Variants in STKLD1 observed in about 807,000 individuals in gnomAD.
The protein encoded by STKLD1 is serine/threonine kinase-like domain-containing protein STKLD1.
A neutral mutation model predicts 80.4 loss-of-function variants in STKLD1; 79 were observed. The ratio of observed to expected loss-of-function variants is 0.98; its 90% CI spans 0.82 to 1.19. STKLD1 has a LOEUF of 1.19. STKLD1 is among the 50% of genes most tolerant of loss of function. STKLD1 has a pLI of 0.00. For synonymous variants in STKLD1, 393 were observed against 357.6 expected (o/e 1.10, Z -1.12); for missense variants, 841 against 856.0 (o/e 0.98, Z 0.22).
At position 133,394,737 on chromosome 9, in the gene STKLD1, C is replaced by T. The variant is rs1554776473; in HGVS notation, c.702+328C>T. ...GGTGCCCTTGTGAGCATGAAGGCTG[C>T]ACGGAGTTGCAAGCAACGGGAACCC... is the stretch of plus-strand genomic sequence containing the variant. On this transcript the variant is annotated intron_variant, in intron 8 of 17. Transcript: ENST00000371957. The surrounding 1 kb of genome is among the most constrained non-coding windows in gnomAD (Gnocchi z 4.9). The T allele has an allele frequency of 6.2e-6, 2 of 324,536 alleles. No individual in the cohort carries two copies. The highest frequency in any genetic ancestry group is 1.2e-5 in the Non-Finnish European group (2 of 171,416). The allele number at this position is 324,536 out of a possible 1,614,324, so 20.1% of individuals were successfully genotyped here.
At position 133,384,335 on chromosome 9, in the gene STKLD1, G is replaced by A. The variant is rs2130272511; in HGVS notation, c.219+435G>A. 1.9e-4 allele frequency: 32 copies of A among 167,958 alleles called. No individual in the cohort carries two copies. The highest frequency in any genetic ancestry group is 3.9e-4 in the Non-Finnish European group (30 of 76,574). 10.4% of individuals were successfully genotyped at this position (167,958 alleles called of 1,614,324 possible). A position where few individuals can be genotyped will look rare whatever the true frequency, so the allele number is the denominator to read the frequency against. ...GGGCACCTGTAATCCCAGCTACTTC[G>A]AGAGGTTGAGGCGGGAGAATCACTT... On this transcript the variant is annotated intron_variant, in intron 3 of 17. Transcript: ENST00000371957. This position sits in a 1 kb window ranked among gnomAD's most constrained non-coding sequence, Gnocchi z 4.3.
intron 12 of STKLD1, 24 bp from the exon 13 acceptor site, chr9:133,401,714 G>A: frequency 6.2e-7 from 1 of 1,605,180 alleles, no homozygotes; most frequent in Non-Finnish European, 8.5e-7. Flanking sequence ...GCTAACCCCA[G>A]GCGTCTTCCT....
At chr9:133,401,681 T>C in intron 12 of STKLD1, 57 bp from the exon 13 acceptor site, 1 of 1,565,800 alleles carries the variant, frequency 6.4e-7, no homozygotes, top group African/African-American at 1.4e-5. Flanking sequence ...CTTGTGTGTC[T>C]GGCCCCATGC....
intron 2 of STKLD1, among the ~76,000 whole-genome samples, chr9:133,383,033 GGTGATGATGGGGATAATA>G (rs1838178429): frequency 6.6e-6 from 1 of 151,152 alleles, no homozygotes; most frequent in African/African-American, 2.4e-5. Flanking sequence ...TGATGAGGTT[GGTGATGATGGGGATAATA>G]GTGGTGATGG....
Position 133,390,191 on chromosome 9 carries a change from TAAAACACACAC to T in STKLD1, c.468-488_468-478del, listed in dbSNP as rs1168086082. Among the ~76,000 whole-genome samples the T allele has an allele frequency of 5.7e-5, 7 of 122,058 alleles. No individual in the cohort carries two copies. The highest frequency in any genetic ancestry group is 2.3e-4 in the African/African-American group (7 of 31,106). 80.1% of individuals were successfully genotyped at this position (122,058 alleles called of 152,430 possible). A position where few individuals can be genotyped will look rare whatever the true frequency, so the allele number is the denominator to read the frequency against. ...CACTTCAGCCTGGGCAACCCTGACT[TAAAACACACAC>T]ACACACACACACACACACACACACA... On this transcript the variant is annotated intron_variant, in intron 6 of 17. Transcript: ENST00000371957. This position sits in a 1 kb window ranked among gnomAD's most constrained non-coding sequence, Gnocchi z 5.1.
At chr9:133,399,987 CCA>C (rs2130683734) in intron 11 of STKLD1, among the ~76,000 whole-genome samples, 1 of 152,284 alleles carries the variant, frequency 6.6e-6, no homozygotes, top group East Asian at 1.9e-4. Flanking sequence ...GGCTGCCTGG[CCA>C]CTGCCCCTCA....
intron 5 of STKLD1, among the ~76,000 whole-genome samples, chr9:133,388,265 T>C (rs1055226076): frequency 1.3e-5 from 2 of 152,126 alleles, no homozygotes; most frequent in Non-Finnish European, 2.9e-5. Context: ...GTTGTTGTTG[T>C]TGAGATGGAG....
intron 5 of STKLD1, among the ~76,000 whole-genome samples, chr9:133,388,280 A>G (rs1485386653): frequency 2.0e-5 from 3 of 151,856 alleles, no homozygotes; most frequent in Non-Finnish European, 4.4e-5. Flanking sequence ...ATGGAGTCTC[A>G]CTCTGTCGCC....
intron 16 of STKLD1, among the ~76,000 whole-genome samples, chr9:133,404,481 C>T (rs1165065343): frequency 6.6e-6 from 1 of 152,210 alleles, no homozygotes; most frequent in East Asian, 1.9e-4. Flanking sequence ...CATCCTGGGC[C>T]TGGCCAAGAC....
At chr9:133,403,070 C>T in intron 14 of STKLD1, 58 bp downstream of exon 14, 1 of 1,505,716 alleles carries the variant, frequency 6.6e-7, no homozygotes, top group South Asian at 1.3e-5. Flanking sequence ...CCAGCCCCTC[C>T]CTAACTGCCC....
In STKLD1 at chr9:133,390,245, ACACAC is replaced by A. The variant is rs1430882093; in HGVS notation, c.468-435_468-431del. Among the ~76,000 whole-genome samples the A allele has an allele frequency of 7.1e-3, 696 of 98,160 alleles. 14 individuals carry two copies. Among genetic ancestry groups the A allele is most frequent in the African/African-American group, 0.028 (652 of 23,192 alleles). The allele number at this position is 98,160 out of a possible 152,430, so 64.4% of individuals were successfully genotyped here. A position where few individuals can be genotyped will look rare whatever the true frequency, so the allele number is the denominator to read the frequency against. On this transcript the variant is annotated intron_variant, in intron 6 of 17. Transcript: ENST00000371957. This position sits in a 1 kb window ranked among gnomAD's most constrained non-coding sequence, Gnocchi z 5.1. ...CACACACACACACACACACACACAC[ACACAC>A]ACCACGCAGACCATACGTACAAAGG...
At chr9:133,403,667 G>T in intron 14 of STKLD1, 33 bp from the exon 15 acceptor site, 1 of 1,603,790 alleles carries the variant, frequency 6.2e-7, no homozygotes, top group Admixed American at 1.7e-5. Context: ...CCCAAGGCCT[G>T]GGTGTCCCCT....
rs1433124375 is a variant in STKLD1 at position 133,385,821 on chromosome 9, C to T, written c.294+130C>T. The stretch of plus-strand genomic sequence containing the variant: ...GTGTGGCAATGGCAGTGACTGTAAA[C>T]GTGGCCACCCCTGACCTAACACTCA... On this transcript the variant is annotated intron_variant, in intron 4 of 17. Transcript: ENST00000371957. This position sits in a 1 kb window ranked among gnomAD's most constrained non-coding sequence, Gnocchi z 4.9. The T allele has an allele frequency of 1.9e-5, 15 of 809,134 alleles. No homozygotes were observed. Among genetic ancestry groups the T allele is most frequent in the South Asian group, 4.8e-5 (3 of 61,938 alleles). The allele number at this position is 809,134 out of a possible 1,614,324, so 50.1% of individuals were successfully genotyped here. A position where few individuals can be genotyped will look rare whatever the true frequency, so the allele number is the denominator to read the frequency against.
In STKLD1 at chr9:133,389,205, A is replaced by C; in HGVS notation, c.397-321A>C. ...ATACCCGCAAGGCCGATCTGCCTTCAGCTCCCAGCAAGTGTGGGGCAGCGC... is the reference window on the plus strand; with the variant it reads ...ATACCCGCAAGGCCGATCTGCCTTCCGCTCCCAGCAAGTGTGGGGCAGCGC... On this transcript the variant is annotated intron_variant, in intron 5 of 17. Coordinates refer to ENST00000371957, the MANE Select transcript of STKLD1 (RefSeq NM_153710.5). This position sits in a 1 kb window ranked among gnomAD's most constrained non-coding sequence, Gnocchi z 6.4. The C allele has an allele frequency of 1.0e-6, 1 of 985,388 alleles. No individual in the cohort carries two copies. The highest frequency in any genetic ancestry group is 1.2e-6 in the Non-Finnish European group (1 of 829,920). 61.0% of individuals were successfully genotyped at this position (985,388 alleles called of 1,614,324 possible).
chr9:133,400,565 G>T, intron 12 of STKLD1, 36 bp downstream of exon 12: 1 of 1,522,526 alleles, frequency 6.6e-7, no homozygotes. Context: ...GGTCGGGGAG[G>T]CTGTGCGCTG....
rs2130249028 is a variant in STKLD1 at position 133,376,534 on chromosome 9, C to A, written c.61C>A (p.Pro21Thr). 1 of 1,600,384 alleles carries A rather than the reference C, an allele frequency of 6.2e-7. No homozygotes were observed. Among genetic ancestry groups the A allele is most frequent in the Non-Finnish European group, 8.5e-7 (1 of 1,175,228 alleles). ...GCAGGGGGAGCGAGGCCCAGGGTCCCCCGGAGAGCCCATGGAGAAGTACCA... is the reference window on the plus strand; with the variant it reads ...GCAGGGGGAGCGAGGCCCAGGGTCCACCGGAGAGCCCATGGAGAAGTACCA... ...PTQGERGPGS[P>T]GEPMEKYQVL... Residue 21 changes from proline (P) to threonine (T), a missense_variant, in exon 1 of 18, where the codon CCC becomes ACC. Transcript: ENST00000371957.
In STKLD1 at chr9:133,390,581, G is replaced by A. The variant is rs1329991182; in HGVS notation, c.468-100G>A. 2.4e-6 allele frequency: 2 copies of A among 820,690 alleles called. No individual in the cohort carries two copies. Among genetic ancestry groups the A allele is most frequent in the Non-Finnish European group, 4.1e-6 (2 of 482,668 alleles). The allele number at this position is 820,690 out of a possible 1,614,324, so 50.8% of individuals were successfully genotyped here. ...AACCAGGTGGGGCAGGGAGCAGAGAGTCAGGCTCAGCACACACACTGGTCC... is the reference window on the plus strand; with the variant it reads ...AACCAGGTGGGGCAGGGAGCAGAGAATCAGGCTCAGCACACACACTGGTCC... On this transcript the variant is annotated intron_variant, in intron 6 of 17. Transcript: ENST00000371957. The surrounding 1 kb of genome is among the most constrained non-coding windows in gnomAD (Gnocchi z 5.1).
At chr9:133,378,804 G>A (rs1044755810) in intron 1 of STKLD1, among the ~76,000 whole-genome samples, 1 of 151,948 alleles carries the variant, frequency 6.6e-6, no homozygotes, top group Admixed American at 6.5e-5. Flanking sequence ...AGGGATACAG[G>A]GTTGTAGAAG....
At chr9:133,383,723 T>C in intron 2 of STKLD1, 133 bp from the exon 3 acceptor site, 2 of 781,762 alleles carry the variant, frequency 2.6e-6, no homozygotes, top group Non-Finnish European at 4.5e-6. Context: ...GTTGTGGTAA[T>C]GATGGTGATG....
Sources: gnomAD v4.1 joint callset for allele counts (sites outside exome capture counted in the v4.1 genomes callset) on GRCh38, gnomAD v4.1.1 for gene constraint, Gnocchi (gnomAD v3.1) non-coding constraint, MANE v1.5 for transcripts, NCBI Gene and HGNC (gene_info 2026-07-23, HGNC 2026-07-21) for gene names.